The following DNAH17 variants were observed in gnomAD, a reference collection of about 807,000 sequenced individuals.
DNAH17 encodes the protein axonemal beta dynein heavy chain 17.
Under a neutral mutation model 485.6 loss-of-function variants are expected in DNAH17, and 376 were observed. The ratio of observed to expected loss-of-function variants is 0.77; its 90% CI spans 0.71 to 0.84. The LOEUF is 0.84. Ranked by LOEUF, DNAH17 falls within the 40% of genes least tolerant of loss-of-function variation. The pLI is 0.00. For synonymous variants in DNAH17, 3,031 were observed against 2,405.9 expected, an observed-to-expected ratio of 1.26 and a Z score of -7.60; for missense variants, 6,370 against 5,839.3, an observed-to-expected ratio of 1.09 and a Z score of -2.96.
Position 78,479,542 on chromosome 17 carries a change from G to C in DNAH17, c.7843C>G (p.Arg2615Gly), listed in dbSNP as rs371895584. The change falls in exon 50 of 81, where the codon CGC (arginine) becomes GGC (glycine). Residue 2615 changes from arginine (R) to glycine (G), a missense_variant. Transcript: ENST00000389840. ...NTILTQHLAF[R>G]SVSMAIQRIS... ...CTCTGGATAGCCATGGAGACCGAGCGGAAGGCCAGGTGCTGCGTCAGGATT... is the reference window on the plus strand; with the variant it reads ...CTCTGGATAGCCATGGAGACCGAGCCGAAGGCCAGGTGCTGCGTCAGGATT... 6.2e-6 allele frequency: 10 copies of C among 1,613,632 alleles called. No individual in the cohort carries two copies. The East Asian group carries it at 2.0e-4, about 32-fold the overall frequency.
rs945053821 is a variant in DNAH17 at position 78,501,781 on chromosome 17, C to A, written c.5283G>T (p.Val1761=). ...TTTTGGCCACCACGTCCCGTGCGTG[C>A]ACATCGATGGTGCAGATGGTCATGA... ...MKIMTICTID[V]HARDVVAKMI... is the part of the protein sequence containing the mutation. Residue 1761 remains valine, a synonymous_variant, in exon 34 of 81, where the codon GTG becomes GTT. Coordinates refer to ENST00000389840, the MANE Select transcript of DNAH17 (RefSeq NM_173628.4). 3.1e-6 allele frequency: 5 copies of A among 1,613,800 alleles called. No individual in the cohort carries two copies. The highest frequency in any genetic ancestry group is 4.2e-6 in the Non-Finnish European group (5 of 1,179,900).
intron 77 of DNAH17, 85 bp from the exon 78 acceptor site, chr17:78,427,193 TC>T (rs2086505877): frequency 1.4e-6 from 2 of 1,413,910 alleles, no homozygotes; most frequent in Non-Finnish European, 1.9e-6. Flanking sequence ...CCCAAAATGT[TC>T]CCAGCCCCAA....
intron 21 of DNAH17, 22 bp from the exon 22 acceptor site, chr17:78,529,716 TG>T: frequency 1.2e-6 from 2 of 1,611,774 alleles, no homozygotes; most frequent in Non-Finnish European, 1.7e-6. Context: ...GGGGACCATT[TG>T]TGTGGCCCCA....
intron 20 of DNAH17, among the ~76,000 whole-genome samples, chr17:78,531,464 G>A (rs146228345): frequency 0.02 from 2,962 of 149,880 alleles, 85 homozygotes; most frequent in African/African-American, 0.068. Context: ...TCAGCCTCCC[G>A]AGTAGCTGGA....
intron 77 of DNAH17, 89 bp downstream of exon 77, chr17:78,428,436 C>T (rs1208403939): frequency 6.8e-7 from 1 of 1,475,410 alleles, no homozygotes; most frequent in South Asian, 1.2e-5. Flanking sequence ...CAGCAAGTTC[C>T]CCTGTACTGC....
At chr17:78,528,798 C>T (rs1311648666) in intron 22 of DNAH17, among the ~76,000 whole-genome samples, 1 of 152,124 alleles carries the variant, frequency 6.6e-6, no homozygotes, top group African/African-American at 2.4e-5. Flanking sequence ...AAGTGCTGTG[C>T]AAACGCAGCT....
chr17:78,425,240 C>T, intron 80 of DNAH17, 106 bp downstream of exon 80: 1 of 1,164,654 alleles, frequency 8.6e-7, no homozygotes, highest in Non-Finnish European at 1.2e-6. Context: ...CTGCCTGTCC[C>T]CACAGCTCTT....
At chr17:78,545,454 G>A (rs1363887474) in intron 16 of DNAH17, among the ~76,000 whole-genome samples, 2 of 152,118 alleles carry the variant, frequency 1.3e-5, no homozygotes, top group East Asian at 1.9e-4. Flanking sequence ...TCCAGGTGAG[G>A]GCTCTCTTCC....
chr17:78,443,092 C>T (rs748358951), intron 71 of DNAH17, among the ~76,000 whole-genome samples: 11 of 152,282 alleles, frequency 7.2e-5, no homozygotes, highest in South Asian at 2.1e-4. Context: ...CCGCAGAGCA[C>T]GCAAATGCTT....
chr17:78,446,791 G>A (rs1278120263), intron 69 of DNAH17, among the ~76,000 whole-genome samples: 1 of 151,996 alleles, frequency 6.6e-6, no homozygotes, highest in Non-Finnish European at 1.5e-5. Flanking sequence ...TTACAGGTGT[G>A]TGCCACCATG....
Position 78,432,912 on chromosome 17 carries a change from C to CCG in DNAH17, c.12225+1116_12225+1117insCG, listed in dbSNP as rs1555650530. On this transcript the variant is annotated intron_variant, in intron 75 of 80. Coordinates refer to ENST00000389840, the MANE Select transcript of DNAH17 (RefSeq NM_173628.4). The stretch of plus-strand genomic sequence containing the variant: ...GCAGGCTTCAAACGTGCCCCCCCCC[C>CCG]CCGACCCCGGTGCCAGCACCGTTTC... 1.3e-4 allele frequency among the ~76,000 whole-genome samples: 17 copies of CCG among 129,952 alleles called. 2 individuals carry two copies. The highest frequency in any genetic ancestry group is 3.4e-4 in the African/African-American group (11 of 32,696). 85.3% of individuals were successfully genotyped at this position (129,952 alleles called of 152,430 possible). A position where few individuals can be genotyped will look rare whatever the true frequency, so the allele number is the denominator to read the frequency against.
intron 13 of DNAH17, among the ~76,000 whole-genome samples, chr17:78,559,635 G>A (rs112835478): frequency 9.9e-5 from 15 of 152,252 alleles, no homozygotes; most frequent in East Asian, 9.7e-4. Context: ...TTCAATCTAC[G>A]CACCTCACAG....
chr17:78,436,612 G>A (rs1051764189), intron 74 of DNAH17, among the ~76,000 whole-genome samples: 4 of 152,246 alleles, frequency 2.6e-5, no homozygotes, highest in South Asian at 2.1e-4. Context: ...GGGAGCCTGA[G>A]GCAGGTGGAT....
rs1388503514 is a variant in DNAH17 at position 78,426,861 on chromosome 17, G to A, written c.12771+65C>T. On this transcript the variant is annotated intron_variant, in intron 78 of 80. Coordinates refer to ENST00000389840, the MANE Select transcript of DNAH17 (RefSeq NM_173628.4). ...CCTGTGCTAGGCCTGGGTTGCCAGA[G>A]GCCTGGGTTTCTGCTGGTTTCACCA... The A allele has an allele frequency of 5.2e-6, 8 of 1,545,216 alleles. No homozygotes were observed. The Admixed American group carries it at 7.8e-5, about 15-fold the overall frequency.
intron 16 of DNAH17, among the ~76,000 whole-genome samples, chr17:78,544,228 G>A (rs1315259417): frequency 5.3e-5 from 8 of 152,178 alleles, no homozygotes; most frequent in South Asian, 2.1e-4. Context: ...AGGGCCTAGG[G>A]GAACCACAGA....
chr17:78,566,780 C>T (rs368936180), intron 10 of DNAH17, 50 bp from the exon 11 acceptor site: 3 of 1,462,852 alleles, frequency 2.1e-6, no homozygotes, highest in Non-Finnish European at 2.8e-6. Flanking sequence ...CAAAGCAAGC[C>T]AAGGGCACCC....
At chr17:78,488,740 T>G (rs1158877944) in intron 44 of DNAH17, among the ~76,000 whole-genome samples, 2 of 152,210 alleles carry the variant, frequency 1.3e-5, no homozygotes, top group South Asian at 4.1e-4. Context: ...AAGATCATCC[T>G]GGATTTAGGG....
In DNAH17 at chr17:78,558,166, T is replaced by C. The variant is rs773979163; in HGVS notation, c.2120A>G (p.Asn707Ser). The change falls in exon 14 of 81, where the codon AAC (asparagine) becomes AGC (serine). Residue 707 changes from asparagine to serine, a missense_variant. By Grantham distance (46) the Asn-to-Ser change is conservative. Coordinates refer to ENST00000389840, the MANE Select transcript of DNAH17 (RefSeq NM_173628.4). ...GCCCACAAACTTCCGGAAAGTTTCG[T>C]TCTCTGAGAACAGACTCTCCGCACT... is the stretch of plus-strand genomic sequence containing the variant. ...PDSAESLFSE[N>S]ETFRKFVGNL... 6.2e-7 allele frequency: 1 copy of C among 1,613,738 alleles called. No individual in the cohort carries two copies. Among genetic ancestry groups the C allele is most frequent in the Admixed American group, 1.7e-5 (1 of 59,986 alleles).
intron 54 of DNAH17, among the ~76,000 whole-genome samples, chr17:78,474,503 C>T (rs1201033851): frequency 6.6e-6 from 1 of 152,246 alleles, no homozygotes; most frequent in African/African-American, 2.4e-5. Context: ...TTCAGCATCT[C>T]AGGCATGCAG....
Sources: gnomAD v4.1 joint callset for allele counts (sites outside exome capture counted in the v4.1 genomes callset) on GRCh38, gnomAD v4.1.1 for gene constraint, MANE v1.5 for transcripts, NCBI Gene and HGNC (gene_info 2026-07-23, HGNC 2026-07-21) for gene names.